Variants in PREP observed in about 807,000 individuals in gnomAD.
PREP encodes the protein dJ355L5.1 (prolyl endopeptidase).
In PREP, 29 loss-of-function variants were observed where a neutral mutation model predicts 87.6. The ratio of observed to expected loss-of-function variants is 0.33; its 90% CI spans 0.25 to 0.45. The LOEUF (loss-of-function observed/expected upper bound fraction) is 0.45, where lower values mean the gene tolerates loss of function less well. PREP is among the 20% of genes least tolerant of loss of function. The probability of loss-of-function intolerance (pLI) is 1.00; values close to 1 mark genes in which losing one functional copy is unlikely to be tolerated. For synonymous variants in PREP, 337 were observed against 328.6 expected, an observed-to-expected ratio of 1.03 and a Z score of -0.28; for missense variants, 695 against 886.5, an observed-to-expected ratio of 0.78 and a Z score of 2.74.
At chr6:105,310,561 C>T (rs1054299779) in intron 10 of PREP, among the ~76,000 whole-genome samples, 1 of 152,172 alleles carries the variant, frequency 6.6e-6, no homozygotes, top group Non-Finnish European at 1.5e-5. Context: ...AATCCCTTTT[C>T]GTGGACTTCC....
At chr6:105,351,877 A>C (rs1252549291) in intron 7 of PREP, among the ~76,000 whole-genome samples, 2 of 152,190 alleles carry the variant, frequency 1.3e-5, no homozygotes, top group Non-Finnish European at 2.9e-5. Flanking sequence ...ATAGAAAAAA[A>C]TACTCAGTTT....
chr6:105,293,357 C>A (rs569743397), intron 10 of PREP, among the ~76,000 whole-genome samples: 1 of 152,120 alleles, frequency 6.6e-6, no homozygotes, highest in Non-Finnish European at 1.5e-5. Context: ...AGAACACATA[C>A]AATATTTATC....
At chr6:105,321,268 T>C (rs1770998988) in intron 10 of PREP, among the ~76,000 whole-genome samples, 1 of 152,252 alleles carries the variant, frequency 6.6e-6, no homozygotes, top group Non-Finnish European at 1.5e-5. Flanking sequence ...CCAGGTACTG[T>C]TTAAATATTT....
chr6:105,291,792 T>C (rs1416992805), intron 10 of PREP, among the ~76,000 whole-genome samples: 2 of 152,246 alleles, frequency 1.3e-5, no homozygotes, highest in East Asian at 3.8e-4. Context: ...TCTTTCAAAA[T>C]TGGAGTCAAT....
rs1470831635 is a variant in PREP at position 105,276,197 on chromosome 6, A to C, written c.*1947T>G. Among the ~76,000 whole-genome samples, 2 of 152,232 alleles carry C rather than the reference A, an allele frequency of 1.3e-5. No homozygotes were observed. Among genetic ancestry groups the C allele is most frequent in the Non-Finnish European group, 2.9e-5 (2 of 68,048 alleles). ...GATTAGTTGTCCTGTGAAAATCTAGACACAAAAATTAGGTTGGAAAAGAGA... is the reference window on the plus strand; with the variant it reads ...GATTAGTTGTCCTGTGAAAATCTAGCCACAAAAATTAGGTTGGAAAAGAGA... On this transcript the variant is annotated 3_prime_UTR_variant, in exon 15 of 15. Transcript: ENST00000652536.
intron 9 of PREP, among the ~76,000 whole-genome samples, chr6:105,324,364 C>T (rs1771091441): frequency 6.6e-6 from 1 of 152,158 alleles, no homozygotes; most frequent in African/African-American, 2.4e-5. Context: ...TGGATTGTCC[C>T]AGTAATTGTG....
chr6:105,392,210 A>T (rs780559223), intron 2 of PREP, among the ~76,000 whole-genome samples: 2 of 151,602 alleles, frequency 1.3e-5, no homozygotes, highest in East Asian at 1.9e-4. Context: ...GGCTAATTTT[A>T]TGTATTTTTA....
At chr6:105,281,696 C>T (rs1192267842) in intron 14 of PREP, 50 bp downstream of exon 14, 1 of 1,580,478 alleles carries the variant, frequency 6.3e-7, no homozygotes, top group Non-Finnish European at 8.6e-7. Context: ...TGACTGTGTT[C>T]AACTTTATAT....
intron 10 of PREP, chr6:105,323,042 CAG>C (rs1771054065): frequency 2.3e-6 from 3 of 1,304,002 alleles, no homozygotes; most frequent in African/African-American, 1.5e-5. Flanking sequence ...TGCAAAGGAA[CAG>C]AGACATTCTT....
chr6:105,334,917 A>G (rs1332499730), intron 7 of PREP, among the ~76,000 whole-genome samples: 1 of 152,106 alleles, frequency 6.6e-6, no homozygotes, highest in Non-Finnish European at 1.5e-5. Context: ...AGATACAATT[A>G]TGTGTTTATT....
intron 8 of PREP, among the ~76,000 whole-genome samples, chr6:105,329,355 G>A (rs1771259699): frequency 6.6e-6 from 1 of 152,082 alleles, no homozygotes; most frequent in Non-Finnish European, 1.5e-5. Context: ...GTTTCACTAT[G>A]TAGGCCAAAC....
At chr6:105,345,860 G>A (rs528854342) in intron 7 of PREP, among the ~76,000 whole-genome samples, 1 of 152,272 alleles carries the variant, frequency 6.6e-6, no homozygotes, top group South Asian at 2.1e-4. Flanking sequence ...TGAATGAGAG[G>A]CCTACATTTG....
At chr6:105,302,010 T>G (rs891433772) in intron 10 of PREP, among the ~76,000 whole-genome samples, 8 of 152,238 alleles carry the variant, frequency 5.3e-5, no homozygotes, top group African/African-American at 1.9e-4. Context: ...ATTTTAGCAG[T>G]AACCTGGTGT....
At chr6:105,389,317 A>G (rs1773081033) in intron 2 of PREP, among the ~76,000 whole-genome samples, 3 of 152,190 alleles carry the variant, frequency 2.0e-5, no homozygotes, top group Admixed American at 2.0e-4. Context: ...TAGATCAGGT[A>G]GCTTGCTACG....
At position 105,323,718 on chromosome 6, in the gene PREP, A is replaced by G; in HGVS notation, c.1264T>C (p.Phe422Leu). The G allele has an allele frequency of 6.2e-7, 1 of 1,613,878 alleles. No homozygotes were observed. The highest frequency in any genetic ancestry group is 8.5e-7 in the Non-Finnish European group (1 of 1,179,708). Reference protein sequence around the residue: ...LTKEELEPRVFREVTVKGIDA... With the variant: ...LTKEELEPRVLREVTVKGIDA... ...ATTCCTTTTACGGTCACCTCTCGGA[A>G]AACTCTTGGCTCCAGCTCCTCTTTG... Residue 422 changes from phenylalanine (F) to leucine (L), a missense_variant, in exon 10 of 15, where the codon TTC becomes CTC. By Grantham distance (22) the Phe-to-Leu change is conservative. Transcript: ENST00000652536.
At chr6:105,340,164 G>A (rs1440635162) in intron 7 of PREP, among the ~76,000 whole-genome samples, 2 of 152,194 alleles carry the variant, frequency 1.3e-5, no homozygotes, top group Admixed American at 1.3e-4. Context: ...AACCCACAAA[G>A]GGAAGCCCAT....
chr6:105,288,801 A>G lies in PREP; in HGVS notation c.1411T>C (p.Tyr471His), dbSNP rs775317082. The G allele has an allele frequency of 5.6e-6, 9 of 1,614,098 alleles. No homozygotes were observed. Among genetic ancestry groups the G allele is most frequent in the East Asian group, 2.2e-5 (1 of 44,898 alleles). ...KLDGSHPAFL[Y>H]GYGGFNISIT... ...GATATGTTGAAGCCGCCATAGCCAT[A>G]TAAGAAAGCTGGATGAGAGCCATCC... The change falls in exon 11 of 15, where the codon TAT (tyrosine) becomes CAT (histidine). Residue 471 changes from tyrosine (Y) to histidine (H), a missense_variant. Coordinates refer to ENST00000652536, the MANE Select transcript of PREP (RefSeq NM_002726.5).
In PREP at chr6:105,335,300, T is replaced by C. The variant is rs879648475; in HGVS notation, c.824-1795A>G. On this transcript the variant is annotated intron_variant, in intron 7 of 14. Transcript: ENST00000652536. ...ACTGATCTTAGCTATTCTCCAATTA[T>C]CTACTTTTAATTTCACAGTGAAATT... Among the ~76,000 whole-genome samples, 5 of 152,376 alleles carry C rather than the reference T, an allele frequency of 3.3e-5. No homozygotes were observed. In the East Asian group the frequency reaches 9.6e-4, roughly 29 times the overall value.
intron 8 of PREP, among the ~76,000 whole-genome samples, chr6:105,329,742 G>C (rs186832241): frequency 4.1e-4 from 62 of 152,354 alleles, no homozygotes; most frequent in African/African-American, 1.4e-3. Context: ...AAGTGCTAGA[G>C]AGACAAGTAG....
Sources: gnomAD v4.1 joint callset for allele counts (sites outside exome capture counted in the v4.1 genomes callset) on GRCh38, gnomAD v4.1.1 for gene constraint, MANE v1.5 for transcripts, NCBI Gene and HGNC (gene_info 2026-07-23, HGNC 2026-07-21) for gene names.